Variants in EEPD1 observed in about 807,000 individuals in gnomAD.
The protein encoded by EEPD1 is endonuclease/exonuclease/phosphatase family domain containing 1.
EEPD1 carries 17 observed loss-of-function variants against 46.3 expected under a neutral mutation model. That is an observed-to-expected ratio of 0.37 (90% CI 0.25 to 0.55). The LOEUF is 0.55. EEPD1 is among the 20% of genes least tolerant of loss of function. The probability of loss-of-function intolerance (pLI) is 0.83; values close to 1 mark genes in which losing one functional copy is unlikely to be tolerated. For synonymous variants in EEPD1, 313 were observed against 315.6 expected, an observed-to-expected ratio of 0.99 and a Z score of 0.09; for missense variants, 673 against 745.6, an observed-to-expected ratio of 0.90 and a Z score of 1.13.
chr7:36,286,409 C>T (rs761746289), intron 5 of EEPD1, among the ~76,000 whole-genome samples: 4 of 152,320 alleles, frequency 2.6e-5, no homozygotes, highest in South Asian at 2.1e-4. Flanking sequence ...TAAGATAAGA[C>T]GGGCACCCTC....
At chr7:36,202,023 C>T (rs1000982261) in intron 2 of EEPD1, among the ~76,000 whole-genome samples, 11 of 152,184 alleles carry the variant, frequency 7.2e-5, no homozygotes, top group African/African-American at 2.7e-4. Context: ...TCTCGGGCCC[C>T]ACCCACAGAC....
At position 36,284,713 on chromosome 7, in the gene EEPD1, G is replaced by C; in HGVS notation, c.1069G>C (p.Asp357His). The C allele has an allele frequency of 6.2e-7, 1 of 1,612,248 alleles. No individual in the cohort carries two copies. The highest frequency in any genetic ancestry group is 1.3e-5 in the African/African-American group (1 of 74,820). ...AGCTGGGTATGCAGGATTCCTATGG[G>C]ACGCGGCTGCCGGCATGGAGCTGAG... ...KGAGYAGFLWDAAAGMELRDA... is the reference protein window; with the variant it reads ...KGAGYAGFLWHAAAGMELRDA... Residue 357 changes from aspartate (D) to histidine (H), a missense_variant, in exon 5 of 8, where the codon GAC becomes CAC. Transcript: ENST00000242108.
At chr7:36,214,539 T>C (rs73338956) in intron 2 of EEPD1, among the ~76,000 whole-genome samples, 5,937 of 152,236 alleles carry the variant, frequency 0.039, 389 homozygotes, top group African/African-American at 0.14. Context: ...TGGTCTTATA[T>C]CCCATTCAGT....
chr7:36,210,468 G>T (rs1435821722), intron 2 of EEPD1, among the ~76,000 whole-genome samples: 1 of 152,160 alleles, frequency 6.6e-6, no homozygotes, highest in African/African-American at 2.4e-5. Context: ...CATGAAAGAG[G>T]ATAATGATGT....
intron 3 of EEPD1, among the ~76,000 whole-genome samples, chr7:36,261,370 C>T (rs1786920331): frequency 6.6e-6 from 1 of 152,150 alleles, no homozygotes; most frequent in Admixed American, 6.6e-5. Context: ...TTCCCTCCTG[C>T]CTTGTTAGTC....
chr7:36,261,799 G>A (rs1409278982), intron 3 of EEPD1, among the ~76,000 whole-genome samples: 2 of 152,204 alleles, frequency 1.3e-5, no homozygotes, highest in Non-Finnish European at 2.9e-5. Context: ...TGATTGAACA[G>A]GCCATTAAAG....
intron 6 of EEPD1, among the ~76,000 whole-genome samples, chr7:36,293,531 A>T (rs1313297091): frequency 2.0e-5 from 3 of 152,174 alleles, no homozygotes; most frequent in African/African-American, 7.2e-5. Flanking sequence ...TGAACTCCTG[A>T]TGCCCCAAGG....
At chr7:36,292,164 C>T (rs1331307672) in intron 6 of EEPD1, among the ~76,000 whole-genome samples, 9 of 152,124 alleles carry the variant, frequency 5.9e-5, no homozygotes, top group African/African-American at 1.7e-4. Flanking sequence ...CCGTGCCAGG[C>T]GCTTCTGGCG....
intron 2 of EEPD1, among the ~76,000 whole-genome samples, chr7:36,161,590 T>C (rs1211069330): frequency 1.3e-5 from 2 of 151,814 alleles, no homozygotes; most frequent in East Asian, 3.9e-4. Flanking sequence ...AGGCTTATGA[T>C]CCAAAATACT....
chr7:36,294,185 TA>T (rs1787488836), intron 6 of EEPD1, among the ~76,000 whole-genome samples: 1 of 152,152 alleles, frequency 6.6e-6, no homozygotes, highest in South Asian at 2.1e-4. Context: ...ATAAGAATGT[TA>T]AAGTTAACAT....
rs1787256310 is a variant in EEPD1, at chr7:36,281,196, G to A, written c.1012G>A (p.Ala338Thr). ...GPRGCWKAVVAEKPSSQLQKG... is the reference protein window; with the variant it reads ...GPRGCWKAVVTEKPSSQLQKG... ...CCGGGGATGCTGGAAGGCTGTTGTT[G>A]CTGAGAAGCCCTCGAGTCAGCTCCA... Residue 338 changes from alanine to threonine, a missense_variant, in exon 4 of 8, where the codon GCT (alanine) becomes ACT (threonine). By Grantham distance (58) the Ala-to-Thr change is moderately conservative. Coordinates refer to ENST00000242108, the MANE Select transcript of EEPD1 (RefSeq NM_030636.3). 2 of 1,614,212 alleles carry A rather than the reference G, an allele frequency of 1.2e-6. No individual in the cohort carries two copies. Among genetic ancestry groups the A allele is most frequent in the Non-Finnish European group, 1.7e-6 (2 of 1,180,050 alleles).
intron 2 of EEPD1, among the ~76,000 whole-genome samples, chr7:36,186,075 G>T (rs1389194019): frequency 6.6e-6 from 1 of 152,176 alleles, no homozygotes; most frequent in East Asian, 1.9e-4. Context: ...TTGCAGGTTT[G>T]GCTTCTTCGT....
At chr7:36,270,422 T>C (rs1674780707) in intron 3 of EEPD1, among the ~76,000 whole-genome samples, 1 of 152,272 alleles carries the variant, frequency 6.6e-6, no homozygotes, top group Middle Eastern at 3.4e-3. Flanking sequence ...ATCCATCATC[T>C]ACATTAGGTA....
chr7:36,272,503 G>GT (rs768898390), intron 3 of EEPD1, among the ~76,000 whole-genome samples: 14 of 122,660 alleles, frequency 1.1e-4, no homozygotes, highest in South Asian at 8.5e-4. Flanking sequence ...GTTTTTTGTT[G>GT]TTGTTTTTTT....
At chr7:36,207,534 G>A (rs140470258) in intron 2 of EEPD1, among the ~76,000 whole-genome samples, 2 of 152,246 alleles carry the variant, frequency 1.3e-5, no homozygotes, top group African/African-American at 2.4e-5. Context: ...AGTTTGAGCT[G>A]GTCAGTCCTC....
Position 36,154,435 on chromosome 7 carries a change from G to C in EEPD1, c.111G>C (p.Gln37His). 1 of 1,614,204 alleles carries C rather than the reference G, an allele frequency of 6.2e-7. No homozygotes were observed. Among genetic ancestry groups the C allele is most frequent in the South Asian group, 1.1e-5 (1 of 91,090 alleles). The change falls in exon 2 of 8, where the codon CAG becomes CAC. Residue 37 changes from glutamine to histidine, a missense_variant. Physicochemically the swap from Gln to His is conservative, Grantham distance 24. Transcript: ENST00000242108. The surrounding 1 kb of genome is among the most constrained non-coding windows in gnomAD (Gnocchi z 4.2). ...ACNFSNILVN[Q>H]ERLNINTATE... ...ACTTCAGCAACATTCTAGTGAATCA[G>C]GAGCGGCTCAACATCAACACTGCCA...
intron 2 of EEPD1, among the ~76,000 whole-genome samples, chr7:36,227,803 T>G (rs559711070): frequency 2.6e-5 from 4 of 152,272 alleles, no homozygotes; most frequent in Middle Eastern, 3.4e-3. Context: ...TTCTCCTGCC[T>G]CAGGCTCCCA....
At chr7:36,244,304 A>G (rs1038446330) in intron 3 of EEPD1, among the ~76,000 whole-genome samples, 3 of 152,190 alleles carry the variant, frequency 2.0e-5, no homozygotes, top group Non-Finnish European at 2.9e-5. Context: ...AAGCTATTCT[A>G]AAGGGGCCAT....
intron 2 of EEPD1, among the ~76,000 whole-genome samples, chr7:36,167,023 C>T (rs1304480347): frequency 6.6e-6 from 1 of 152,154 alleles, no homozygotes; most frequent in Non-Finnish European, 1.5e-5. Context: ...TCTCAGTCCC[C>T]TTTCCCTGGT....
Sources: gnomAD v4.1 joint callset for allele counts (sites outside exome capture counted in the v4.1 genomes callset) on GRCh38, gnomAD v4.1.1 for gene constraint, Gnocchi (gnomAD v3.1) non-coding constraint, MANE v1.5 for transcripts, NCBI Gene and HGNC (gene_info 2026-07-23, HGNC 2026-07-21) for gene names.